TMEM184C: variants seen among roughly 807,000 people sequenced by gnomAD.
TMEM184C encodes the protein transmembrane protein 184C.
In TMEM184C, 25 loss-of-function variants were observed where a neutral mutation model predicts 54.5. The ratio of observed to expected loss-of-function variants is 0.46; its 90% CI spans 0.33 to 0.64. The LOEUF (loss-of-function observed/expected upper bound fraction) is 0.64, where lower values mean the gene tolerates loss of function less well. TMEM184C is among the 30% of genes least tolerant of loss of function. TMEM184C has a pLI of 0.02. For missense variants in TMEM184C, 335 were observed against 520.3 expected (o/e 0.64, Z 3.46); for synonymous variants, 148 against 181.5 (o/e 0.82, Z 1.49).
intron 4 of TMEM184C, 64 bp from the exon 5 acceptor site, chr4:147,628,296 CT>C: frequency 7.6e-7 from 1 of 1,308,146 alleles, no homozygotes; most frequent in Non-Finnish European, 1.1e-6. Context: ...AATTTGGAGG[CT>C]TTGGGGAAAA....
chr4:147,626,016 A>T (rs1380380376), intron 4 of TMEM184C, among the ~76,000 whole-genome samples: 1 of 152,114 alleles, frequency 6.6e-6, no homozygotes, highest in Non-Finnish European at 1.5e-5. Context: ...CTGTCCACTT[A>T]TACTGAGTCA....
chr4:147,617,646 C>A lies in TMEM184C; in HGVS notation c.-311C>A. On this transcript the variant is annotated 5_prime_UTR_variant, in exon 1 of 10. Coordinates refer to ENST00000296582, the MANE Select transcript of TMEM184C (RefSeq NM_018241.3). ...GCCATGGTACAGGCAGAGCTCAGGGCGATCCCCAGGTGAGGGCAGCGGCTC... is the reference window on the plus strand; with the variant it reads ...GCCATGGTACAGGCAGAGCTCAGGGAGATCCCCAGGTGAGGGCAGCGGCTC... 5 of 350,342 alleles carry A rather than the reference C, an allele frequency of 1.4e-5. No homozygotes were observed. Among genetic ancestry groups the A allele is most frequent in the South Asian group, 1.2e-4 (5 of 41,088 alleles). 21.7% of individuals were successfully genotyped at this position (350,342 alleles called of 1,614,324 possible).
In TMEM184C at chr4:147,635,854, T is replaced by C. The variant is rs1578864344; in HGVS notation, c.*1420T>C. 6.6e-6 allele frequency: 1 copy of C among 151,970 alleles called. No individual in the cohort carries two copies. The highest frequency in any genetic ancestry group is 1.5e-5 in the Non-Finnish European group (1 of 67,960). 9.4% of individuals were successfully genotyped at this position (151,970 alleles called of 1,614,324 possible). On this transcript the variant is annotated 3_prime_UTR_variant, in exon 10 of 10. Coordinates refer to ENST00000296582, the MANE Select transcript of TMEM184C (RefSeq NM_018241.3). ...CATTTTTATACATAAATAATGAAAATAATGACCTAACTGAAAAATTAAGAT... is the reference window on the plus strand; with the variant it reads ...CATTTTTATACATAAATAATGAAAACAATGACCTAACTGAAAAATTAAGAT...
chr4:147,619,577 A>G (rs1462638288), intron 1 of TMEM184C, among the ~76,000 whole-genome samples: 1 of 152,192 alleles, frequency 6.6e-6, no homozygotes, highest in East Asian at 1.9e-4. Context: ...TCTTTCCACA[A>G]TTTGTCTACA....
chr4:147,631,365 C>A, intron 6 of TMEM184C, 28 bp from the exon 7 acceptor site: 2 of 1,494,376 alleles, frequency 1.3e-6, no homozygotes, highest in African/African-American at 1.4e-5. Flanking sequence ...TATTACTGAA[C>A]AAGTTTAAAT....
chr4:147,627,562 T>C (rs1732837530), intron 4 of TMEM184C, among the ~76,000 whole-genome samples: 1 of 152,196 alleles, frequency 6.6e-6, no homozygotes, highest in Non-Finnish European at 1.5e-5. Flanking sequence ...GAGGATGGCT[T>C]GAGCCCAGGA....
In TMEM184C at chr4:147,624,876, A is replaced by G; in HGVS notation, c.364A>G (p.Ile122Val). The G allele has an allele frequency of 1.2e-6, 2 of 1,613,920 alleles. No homozygotes were observed. Among genetic ancestry groups the G allele is most frequent in the Non-Finnish European group, 1.7e-6 (2 of 1,179,880 alleles). ...CAGAGAATGCTATGAAGCTTATGTA[A>G]TTTACAACTTTATGGGATTCCTTAC... The part of the protein sequence containing the change: ...TCRECYEAYV[I>V]YNFMGFLTNY... The change falls in exon 4 of 10, where the codon ATT becomes GTT. Residue 122 changes from isoleucine to valine, a missense_variant. Ile to Val is a conservative substitution (Grantham distance 29). Coordinates refer to ENST00000296582, the MANE Select transcript of TMEM184C (RefSeq NM_018241.3).
chr4:147,628,994 T>A (rs1732863093), intron 5 of TMEM184C, among the ~76,000 whole-genome samples: 1 of 152,182 alleles, frequency 6.6e-6, no homozygotes, highest in African/African-American at 2.4e-5. Flanking sequence ...TTTTGCATGC[T>A]CACAGAGGAA....
In TMEM184C at chr4:147,618,093, G is replaced by A. The variant is rs1446011528; in HGVS notation, c.123+14G>A. On this transcript the variant is annotated intron_variant, in intron 1 of 9. Coordinates refer to ENST00000296582, the MANE Select transcript of TMEM184C (RefSeq NM_018241.3). ...CAGAAACTGGAGGTAAGAGGGTTCT[G>A]CACCATCAGCCTGTACACTTTCTTC... The A allele has an allele frequency of 1.9e-6, 3 of 1,613,792 alleles. No homozygotes were observed. In the African/African-American group the frequency reaches 4.0e-5, roughly 22 times the overall value.
intron 4 of TMEM184C, 31 bp from the exon 5 acceptor site, chr4:147,628,330 G>C (rs1732851061): frequency 1.9e-6 from 3 of 1,570,480 alleles, no homozygotes; most frequent in Admixed American, 1.9e-5. Context: ...TAAATGAGTA[G>C]TTGAAATTCT....
chr4:147,634,270 T>A lies in TMEM184C; in HGVS notation c.1153T>A (p.Ser385Thr). The A allele has an allele frequency of 6.2e-7, 1 of 1,614,146 alleles. No individual in the cohort carries two copies. Among genetic ancestry groups the A allele is most frequent in the Non-Finnish European group, 8.5e-7 (1 of 1,180,020 alleles). The change falls in exon 10 of 10, where the codon TCC becomes ACC. Residue 385 changes from serine (S) to threonine (T), a missense_variant. Transcript: ENST00000296582. ...LLSSSSQDAI[S>T]IASSMPPSPM... ...ATCATCATCATCACAAGATGCAATT[T>A]CCATTGCTTCTTCTATGCCACCTTC... is the stretch of plus-strand genomic sequence containing the variant.
intron 1 of TMEM184C, among the ~76,000 whole-genome samples, chr4:147,623,310 G>C (rs868462977): frequency 1.3e-5 from 2 of 151,706 alleles, no homozygotes; most frequent in African/African-American, 2.4e-5. Flanking sequence ...TTAGCTGGGT[G>C]TGTAATCCCA....
Position 147,635,178 on chromosome 4 carries a change from T to C in TMEM184C, c.*744T>C, listed in dbSNP as rs1336163561. On this transcript the variant is annotated 3_prime_UTR_variant, in exon 10 of 10. Transcript: ENST00000296582. ...TACCTAACAAACAGTTATATCCCTA[T>C]TCCTCAACTGAATGTCTTTCAATAA... 6.6e-6 allele frequency: 1 copy of C among 152,220 alleles called. No individual in the cohort carries two copies. Among genetic ancestry groups the C allele is most frequent in the Non-Finnish European group, 1.5e-5 (1 of 68,036 alleles). The allele number at this position is 152,220 out of a possible 1,614,324, so 9.4% of individuals were successfully genotyped here. A position where few individuals can be genotyped will look rare whatever the true frequency, so the allele number is the denominator to read the frequency against.
chr4:147,630,006 TA>T lies in TMEM184C; in HGVS notation c.666+325del, dbSNP rs1254155541. The stretch of plus-strand genomic sequence containing the variant: ...TCATAAATAAAAGCACAGTGCTACA[TA>T]AAAAAAAAAATACACACACACGCCC... On this transcript the variant is annotated intron_variant, in intron 6 of 9. Transcript: ENST00000296582. 6.5e-4 allele frequency among the ~76,000 whole-genome samples: 93 copies of T among 143,584 alleles called. 1 individual carries two copies. Among genetic ancestry groups the T allele is most frequent in the South Asian group, 2.6e-3 (12 of 4,580 alleles). 94.2% of individuals were successfully genotyped at this position (143,584 alleles called of 152,430 possible).
At chr4:147,629,456 C>A in intron 5 of TMEM184C, 143 bp from the exon 6 acceptor site, 1 of 582,692 alleles carries the variant, frequency 1.7e-6, no homozygotes, top group Non-Finnish European at 2.9e-6. Context: ...AATAAACTGA[C>A]TTCTAAATTC....
intron 4 of TMEM184C, among the ~76,000 whole-genome samples, chr4:147,625,692 G>C (rs1239177636): frequency 1.3e-5 from 2 of 152,164 alleles, no homozygotes; most frequent in Non-Finnish European, 2.9e-5. Context: ...AGGGGGATGA[G>C]ATTGGAATAG....
chr4:147,624,377 A>G (rs1732771621), intron 3 of TMEM184C, among the ~76,000 whole-genome samples: 1 of 150,004 alleles, frequency 6.7e-6, no homozygotes, highest in Non-Finnish European at 1.5e-5. Flanking sequence ...CTTTTTATTT[A>G]TTACGTCTTT....
chr4:147,628,528 T>C lies in TMEM184C; in HGVS notation c.572+93T>C, dbSNP rs1732854618. 10 of 1,004,116 alleles carry C rather than the reference T, an allele frequency of 1.0e-5. No homozygotes were observed. In the Admixed American group the frequency reaches 2.1e-4, roughly 21 times the overall value. 62.2% of individuals were successfully genotyped at this position (1,004,116 alleles called of 1,614,324 possible). The stretch of plus-strand genomic sequence containing the variant: ...AGAAAACATAGTGTTAATGTGCTTA[T>C]TTATAATGCAGGTCTAGTCTGTTGT... On this transcript the variant is annotated intron_variant, in intron 5 of 9. Transcript: ENST00000296582.
intron 1 of TMEM184C, among the ~76,000 whole-genome samples, chr4:147,623,493 A>T (rs1162556280): frequency 2.0e-5 from 3 of 151,672 alleles, no homozygotes; most frequent in African/African-American, 7.3e-5. Flanking sequence ...CCTTAGTTCT[A>T]TTTTAATTGT....
Sources: allele counts gnomAD v4.1 joint callset (sites outside exome capture counted in the v4.1 genomes callset), GRCh38; gene constraint gnomAD v4.1.1; transcripts MANE v1.5; gene names NCBI Gene and HGNC (gene_info 2026-07-23, HGNC 2026-07-21).